The following KCNK10 variants were observed in gnomAD, a reference collection of about 807,000 sequenced individuals.
KCNK10 encodes potassium two pore domain channel subfamily K member 10, also known as potassium channel subfamily K member 10.
In KCNK10, 25 loss-of-function variants were observed where a neutral mutation model predicts 47.7. The ratio of observed to expected loss-of-function variants is 0.52; its 90% CI spans 0.38 to 0.73. The LOEUF (loss-of-function observed/expected upper bound fraction) is 0.73. Ranked by LOEUF, KCNK10 falls within the 30% of genes least tolerant of loss-of-function variation. The pLI, the probability that KCNK10 is intolerant of heterozygous loss-of-function variation, is 0.00. For missense variants in KCNK10, 563 were observed against 714.5 expected (o/e 0.79, Z 2.42); for synonymous variants, 303 against 285.6 (o/e 1.06, Z -0.61).
At chr14:88,228,645 A>G (rs529822326) in intron 3 of KCNK10, among the ~76,000 whole-genome samples, 1 of 152,178 alleles carries the variant, frequency 6.6e-6, no homozygotes, top group African/African-American at 2.4e-5. Context: ...ATGCAACATG[A>G]TAAAAAAACG....
rs550691489 is a variant in KCNK10 at position 88,181,142 on chromosome 14, C to A, written c.*4393G>T. 11 of 254,768 alleles carry A rather than the reference C, an allele frequency of 4.3e-5. No individual in the cohort carries two copies. The South Asian group carries it at 1.6e-3, about 37-fold the overall frequency. The allele number at this position is 254,768 out of a possible 1,614,324, so 15.8% of individuals were successfully genotyped here. ...CTACGCCTTTCCCGTGGTTCAGAAA[C>A]CCTGGTACACACTGGATGCTTCATA... On this transcript the variant is annotated 3_prime_UTR_variant, in exon 7 of 7. Transcript: ENST00000319231.
At position 88,185,834 on chromosome 14, in the gene KCNK10, C is replaced by T. The variant is rs201379405; in HGVS notation, c.1333G>A (p.Glu445Lys). 3.3e-5 allele frequency: 53 copies of T among 1,614,046 alleles called. No individual in the cohort carries two copies. Among genetic ancestry groups the T allele is most frequent in the African/African-American group, 2.7e-5 (2 of 74,906 alleles). ...QLNKHGQGAS[E>K]DNIINKFGST... ...CCGAACTTGTTGATGATGTTGTCCT[C>T]GGACGCACCCTGCCCATGCTTGTTC... Residue 445 changes from glutamate (E) to lysine (K), a missense_variant, in exon 7 of 7, where the codon GAG (glutamate) becomes AAG (lysine). Transcript: ENST00000319231. The surrounding 1 kb of genome is among the most constrained non-coding windows in gnomAD (Gnocchi z 4.3).
chr14:88,249,126 G>T (rs974499521), intron 2 of KCNK10, among the ~76,000 whole-genome samples: 2 of 152,072 alleles, frequency 1.3e-5, no homozygotes, highest in African/African-American at 4.8e-5. Context: ...GGACAACATA[G>T]AGAAGTCATA....
chr14:88,231,639 C>T (rs954537092), intron 3 of KCNK10, among the ~76,000 whole-genome samples: 5 of 152,186 alleles, frequency 3.3e-5, no homozygotes, highest in Non-Finnish European at 7.3e-5. Flanking sequence ...ACCAGCTGAG[C>T]CAATAATCAA....
At chr14:88,296,679 T>C (rs769911088) in intron 1 of KCNK10, among the ~76,000 whole-genome samples, 3 of 152,216 alleles carry the variant, frequency 2.0e-5, no homozygotes, top group Non-Finnish European at 4.4e-5. Flanking sequence ...GCTATTATTG[T>C]CTACATGGCT....
chr14:88,193,105 A>C (rs1884803091), intron 4 of KCNK10, among the ~76,000 whole-genome samples: 1 of 152,222 alleles, frequency 6.6e-6, no homozygotes. Context: ...ATCACTCACA[A>C]GAGACAGGAT....
intron 1 of KCNK10, among the ~76,000 whole-genome samples, chr14:88,284,041 A>G (rs946349124): frequency 1.4e-4 from 21 of 152,186 alleles, no homozygotes; most frequent in Admixed American, 5.9e-4. Context: ...GTTTAACACA[A>G]TATAATTTAC....
intron 6 of KCNK10, among the ~76,000 whole-genome samples, chr14:88,187,564 A>G (rs188962275): frequency 6.0e-4 from 92 of 152,238 alleles, no homozygotes; most frequent in African/African-American, 2.1e-3. Context: ...CTGAATCAGG[A>G]AAGATTCTTG....
rs779595594 is a variant in KCNK10, at chr14:88,185,954, A to T, written c.1213T>A (p.Phe405Ile). 3 of 1,613,418 alleles carry T rather than the reference A, an allele frequency of 1.9e-6. No individual in the cohort carries two copies. In the African/African-American group the frequency reaches 4.0e-5, roughly 22 times the overall value. The change falls in exon 7 of 7, where the codon TTT becomes ATT. Residue 405 changes from phenylalanine (F) to isoleucine (I), a missense_variant. Physicochemically the swap from Phe to Ile is conservative, Grantham distance 21. Coordinates refer to ENST00000319231, the MANE Select transcript of KCNK10 (RefSeq NM_138317.3). The surrounding 1 kb of genome is among the most constrained non-coding windows in gnomAD (Gnocchi z 4.3). ...AAGCGGCCGGTGTCCAGGGCAGCAA[A>T]GACAGAGCGCTTCTCGGGGGACAGC... The part of the protein sequence containing the change: ...DMLSPEKRSV[F>I]AALDTGRFKA...
In KCNK10 at chr14:88,281,499, C is replaced by T. The variant is rs185379456; in HGVS notation, c.53-17948G>A. On this transcript the variant is annotated intron_variant, in intron 1 of 6. Coordinates refer to ENST00000319231, the MANE Select transcript of KCNK10 (RefSeq NM_138317.3). ...AATAGAACAAAATGGCTGACCTTCC[C>T]CTGAGTAAGAGAGAATTCTTCCTGC... Among the ~76,000 whole-genome samples, 6 of 152,194 alleles carry T rather than the reference C, an allele frequency of 3.9e-5. No individual in the cohort carries two copies. The East Asian group carries it at 1.2e-3, about 29-fold the overall frequency.
chr14:88,197,859 G>GGGGAGAGA (rs1396061178), intron 4 of KCNK10, among the ~76,000 whole-genome samples: 4 of 125,422 alleles, frequency 3.2e-5, no homozygotes, highest in African/African-American at 1.3e-4. Flanking sequence ...AGGAGGGAAG[G>GGGGAGAGA]GAGAGAGAGA....
At chr14:88,275,044 A>G (rs1430216779) in intron 1 of KCNK10, among the ~76,000 whole-genome samples, 3 of 151,956 alleles carry the variant, frequency 2.0e-5, no homozygotes, top group Non-Finnish European at 4.4e-5. Context: ...AGACTCCCTC[A>G]TGCCCCCAGC....
At chr14:88,187,795 T>C (rs996600400) in intron 6 of KCNK10, among the ~76,000 whole-genome samples, 172 bp downstream of exon 6, 1 of 152,170 alleles carries the variant, frequency 6.6e-6, no homozygotes, top group East Asian at 1.9e-4. Context: ...CTGTATTCTA[T>C]TCTCCTTAGC....
At position 88,260,045 on chromosome 14, in the gene KCNK10, C is replaced by A. The variant is rs527617070; in HGVS notation, c.402+3157G>T. On this transcript the variant is annotated intron_variant, in intron 2 of 6. Transcript: ENST00000319231. This position sits in a 1 kb window ranked among gnomAD's most constrained non-coding sequence, Gnocchi z 4.5. ...GCAACCTCTGCCTCCCAGGTTCAAG[C>A]AATTCTTCTGCCTCAGCCTCCCTAG... Among the ~76,000 whole-genome samples the A allele has an allele frequency of 6.6e-6, 1 of 152,028 alleles. No homozygotes were observed. Among genetic ancestry groups the A allele is most frequent in the Admixed American group, 6.5e-5 (1 of 15,284 alleles).
At chr14:88,209,516 A>T (rs975893864) in intron 4 of KCNK10, among the ~76,000 whole-genome samples, 10 of 152,092 alleles carry the variant, frequency 6.6e-5, no homozygotes, top group African/African-American at 2.4e-4. Flanking sequence ...TGCCGTCTGC[A>T]CTCTTGCTTG....
chr14:88,292,736 G>A (rs901314410), intron 1 of KCNK10, among the ~76,000 whole-genome samples: 5 of 152,108 alleles, frequency 3.3e-5, no homozygotes, highest in Non-Finnish European at 5.9e-5. Context: ...TTGTTCAAGT[G>A]ACTCTTGTGC....
In KCNK10 at chr14:88,221,029, C is replaced by T. The variant is rs182428499; in HGVS notation, c.681+6346G>A. On this transcript the variant is annotated intron_variant, in intron 4 of 6. Transcript: ENST00000319231. ...AAAATATATAAAATATGGCCAGGCA[C>T]AGTGGCTCATGCCTGTAATCCCAGC... 2.5e-3 allele frequency among the ~76,000 whole-genome samples: 374 copies of T among 152,010 alleles called. 5 individuals carry two copies. Among genetic ancestry groups the T allele is most frequent in the Admixed American group, 0.021 (314 of 15,260 alleles).
chr14:88,268,255 G>C (rs927591537), intron 1 of KCNK10, among the ~76,000 whole-genome samples: 1 of 152,194 alleles, frequency 6.6e-6, no homozygotes, highest in African/African-American at 2.4e-5. Flanking sequence ...TCCTGCCGTG[G>C]TATCCTTGCT....
At chr14:88,192,632 G>A (rs767644556) in intron 4 of KCNK10, among the ~76,000 whole-genome samples, 6 of 152,150 alleles carry the variant, frequency 3.9e-5, no homozygotes, top group East Asian at 1.9e-4. Context: ...AAGCCTGTTC[G>A]TGGACACCAG....
Sources: gnomAD v4.1 joint callset for allele counts (sites outside exome capture counted in the v4.1 genomes callset) on GRCh38, gnomAD v4.1.1 for gene constraint, Gnocchi (gnomAD v3.1) non-coding constraint, MANE v1.5 for transcripts, NCBI Gene and HGNC (gene_info 2026-07-23, HGNC 2026-07-21) for gene names.